Variants in AFAP1 observed in about 807,000 individuals in gnomAD.
AFAP1 encodes the protein actin filament-associated protein 1.
In AFAP1, 75 loss-of-function variants were observed where a neutral mutation model predicts 93.9. The observed-to-expected ratio is 0.80, with a 90% CI of 0.66 to 0.97. The LOEUF is 0.97. Among genes scored for constraint, AFAP1 ranks in the 50% least tolerant of loss-of-function variants. The pLI, the probability that AFAP1 is intolerant of heterozygous loss-of-function variation, is 0.00. For missense variants in AFAP1, 1,201 were observed against 1,050.8 expected, an observed-to-expected ratio of 1.14 and a Z score of -1.98; for synonymous variants, 517 against 430.7, an observed-to-expected ratio of 1.20 and a Z score of -2.48.
At chr4:7,884,526 G>A (rs1475704495) in intron 1 of AFAP1, among the ~76,000 whole-genome samples, 3 of 151,974 alleles carry the variant, frequency 2.0e-5, no homozygotes, top group Non-Finnish European at 2.9e-5. Context: ...ATTCCCAGTC[G>A]GATCCATAGA....
chr4:7,869,801 T>C lies in AFAP1; in HGVS notation c.128-1082A>G, dbSNP rs1553849650. On this transcript the variant is annotated intron_variant, in intron 2 of 17. Coordinates refer to ENST00000420658, the MANE Select transcript of AFAP1 (RefSeq NM_001134647.2). ...AGCTGCAATGGAGAAAAGAACTTCG[T>C]TAGAGAACTGCAAACAAACAAAAGC... Among the ~76,000 whole-genome samples, 571 of 152,142 alleles carry C rather than the reference T, an allele frequency of 3.8e-3. 6 individuals carry two copies. Among genetic ancestry groups the C allele is most frequent in the African/African-American group, 0.013 (535 of 41,520 alleles).
intron 1 of AFAP1, among the ~76,000 whole-genome samples, chr4:7,937,755 G>C (rs2149249975): frequency 6.6e-6 from 1 of 152,244 alleles, no homozygotes; most frequent in South Asian, 2.1e-4. Flanking sequence ...CCAAAGTTCT[G>C]GGATTACAGG....
intron 6 of AFAP1, 96 bp from the exon 7 acceptor site, chr4:7,819,267 T>A (rs958925895): frequency 8.8e-7 from 1 of 1,139,610 alleles, no homozygotes; most frequent in Non-Finnish European, 1.2e-6. Flanking sequence ...CATGGCGTGG[T>A]AGGGAAATTC....
chr4:7,800,563 T>G lies in AFAP1; in HGVS notation c.1145A>C (p.Asp382Ala). ...AATAGACACAATATGGGTCTTCAGG[T>G]CGGTCCTGTCCTTGTGGAAAATGAG... Reference protein sequence around the residue: ...NKLIFHKDRTDLKTHIVSIPL... With the variant: ...NKLIFHKDRTALKTHIVSIPL... The change falls in exon 10 of 18, where the codon GAC (aspartate) becomes GCC (alanine). Residue 382 changes from aspartate (D) to alanine (A), a missense_variant. By Grantham distance (126) the Asp-to-Ala change is moderately radical (BLOSUM62 -2). Coordinates refer to ENST00000420658, the MANE Select transcript of AFAP1 (RefSeq NM_001134647.2). The G allele has an allele frequency of 1.9e-6, 3 of 1,614,172 alleles. No homozygotes were observed. Among genetic ancestry groups the G allele is most frequent in the Non-Finnish European group, 2.5e-6 (3 of 1,180,026 alleles).
At chr4:7,772,774 ACGCAAGGCCG>A (rs1715609928) in intron 16 of AFAP1, 36 bp downstream of exon 16, 3 of 1,584,178 alleles carry the variant, frequency 1.9e-6, no homozygotes, top group Middle Eastern at 2.0e-4. Flanking sequence ...GCCCTCGGCC[ACGCAAGGCCG>A]CGCCAGCCTC....
At chr4:7,876,675 C>G (rs1208277954) in intron 1 of AFAP1, among the ~76,000 whole-genome samples, 1 of 152,196 alleles carries the variant, frequency 6.6e-6, no homozygotes, top group Non-Finnish European at 1.5e-5. Context: ...TTGTTAGCTA[C>G]TCGGAAAACT....
rs377062685 is a variant in AFAP1 at position 7,793,822 on chromosome 4, G to A, written c.1271C>T (p.Ser424Phe). The change falls in exon 11 of 18, where the codon TCT (serine) becomes TTT (phenylalanine). Residue 424 changes from serine (S) to phenylalanine (F), a missense_variant. Coordinates refer to ENST00000420658, the MANE Select transcript of AFAP1 (RefSeq NM_001134647.2). Reference protein sequence around the residue: ...NGQEVAVLEASSSEDMGRWIG... With the variant: ...NGQEVAVLEAFSSEDMGRWIG... ...CCACCTGCCCATGTCTTCAGAAGAA[G>A]ATGCCTGTTGAAGTGGGAAAAAAGG... 6.5e-7 allele frequency: 1 copy of A among 1,532,576 alleles called. No individual in the cohort carries two copies. The highest frequency in any genetic ancestry group is 1.8e-5 in the Admixed American group (1 of 56,580). 94.9% of individuals were successfully genotyped at this position (1,532,576 alleles called of 1,614,324 possible).
chr4:7,818,487 C>A (rs1375159283), intron 7 of AFAP1, among the ~76,000 whole-genome samples: 1 of 152,206 alleles, frequency 6.6e-6, no homozygotes, highest in East Asian at 1.9e-4. Flanking sequence ...CAGAAGGTTT[C>A]ATGGCAGGAA....
At chr4:7,853,840 C>T (rs1195825165) in intron 4 of AFAP1, among the ~76,000 whole-genome samples, 5 of 152,132 alleles carry the variant, frequency 3.3e-5, no homozygotes, top group African/African-American at 7.2e-5. Flanking sequence ...CCACGGCAGA[C>T]GTGTGATTGG....
At chr4:7,938,783 C>CAGT (rs1335215193) in intron 1 of AFAP1, among the ~76,000 whole-genome samples, 1 of 152,100 alleles carries the variant, frequency 6.6e-6, no homozygotes, top group Non-Finnish European at 1.5e-5. Context: ...AAGCTCCGGG[C>CAGT]AGTAGGGCCC....
At chr4:7,847,409 A>G (rs779924927) in intron 4 of AFAP1, among the ~76,000 whole-genome samples, 1 of 152,116 alleles carries the variant, frequency 6.6e-6, no homozygotes, top group Non-Finnish European at 1.5e-5. Flanking sequence ...CAGTGTCCCA[A>G]TCAAGAGAAC....
chr4:7,899,078 A>G (rs1250495890), intron 1 of AFAP1, among the ~76,000 whole-genome samples: 1 of 151,844 alleles, frequency 6.6e-6, no homozygotes, highest in Non-Finnish European at 1.5e-5. Flanking sequence ...AACGAGTTCT[A>G]AACTTAGTGG....
At chr4:7,914,717 T>C (rs1323488358) in intron 1 of AFAP1, among the ~76,000 whole-genome samples, 1 of 152,124 alleles carries the variant, frequency 6.6e-6, no homozygotes, top group Non-Finnish European at 1.5e-5. Flanking sequence ...GGAACCTCCA[T>C]ACTGTTTTCC....
chr4:7,903,495 A>C (rs1212963344), intron 1 of AFAP1, among the ~76,000 whole-genome samples: 2 of 152,202 alleles, frequency 1.3e-5, no homozygotes, highest in Non-Finnish European at 2.9e-5. Context: ...GCCGACCAAC[A>C]CGGGGAAACC....
intron 13 of AFAP1, among the ~76,000 whole-genome samples, chr4:7,781,169 AAC>A (rs1359834495): frequency 1.3e-5 from 2 of 152,240 alleles, no homozygotes; most frequent in Non-Finnish European, 2.9e-5. Flanking sequence ...TGGGCAAAGA[AAC>A]ACAGTGCTCA....
intron 1 of AFAP1, among the ~76,000 whole-genome samples, chr4:7,886,802 G>C (rs1324181181): frequency 1.3e-5 from 2 of 152,180 alleles, no homozygotes; most frequent in African/African-American, 4.8e-5. Flanking sequence ...CTGGGAGAAG[G>C]TTATTGACAT....
intron 3 of AFAP1, among the ~76,000 whole-genome samples, chr4:7,864,502 A>G (rs1259581901): frequency 6.6e-6 from 1 of 152,206 alleles, no homozygotes; most frequent in Non-Finnish European, 1.5e-5. Flanking sequence ...AACTATCAGA[A>G]AACTACAGTC....
chr4:7,801,861 A>G (rs1214441763), intron 9 of AFAP1, among the ~76,000 whole-genome samples: 1 of 136,960 alleles, frequency 7.3e-6, no homozygotes, highest in African/African-American at 2.7e-5. Flanking sequence ...CAGGAAGGTC[A>G]CCTGAGGTTA....
chr4:7,768,748 A>T, intron 17 of AFAP1, 96 bp downstream of exon 17: 1 of 1,385,962 alleles, frequency 7.2e-7, no homozygotes, highest in Non-Finnish European at 9.5e-7. Flanking sequence ...TGGATGCAGT[A>T]GGAAGAAGAA....
Sources: gnomAD v4.1 joint callset for allele counts (sites outside exome capture counted in the v4.1 genomes callset) on GRCh38, gnomAD v4.1.1 for gene constraint, MANE v1.5 for transcripts, NCBI Gene and HGNC (gene_info 2026-07-23, HGNC 2026-07-21) for gene names.